Variants in DIPK1B observed in about 807,000 individuals in gnomAD.
DIPK1B encodes divergent protein kinase domain 1B.
A neutral mutation model predicts 20.7 loss-of-function variants in DIPK1B; 17 were observed. That is an observed-to-expected ratio of 0.82 (90% CI 0.56 to 1.23). The LOEUF is 1.23. Among genes scored for constraint, DIPK1B ranks in the 50% most tolerant of loss-of-function variants. DIPK1B has a pLI of 0.00. For missense variants in DIPK1B, 648 were observed against 601.8 expected (o/e 1.08, Z -0.80); for synonymous variants, 343 against 276.5 (o/e 1.24, Z -2.39).
chr9:136,724,312 C>A lies in DIPK1B; in HGVS notation c.*538C>A, dbSNP rs1846668925. ...GTACCCCCCAAACCTGGGCTGTGCA[C>A]AACAGACCAAGAAAAAGGTGTTCCA... On this transcript the variant is annotated 3_prime_UTR_variant, in exon 5 of 5. Transcript: ENST00000371692. Among the ~76,000 whole-genome samples the A allele has an allele frequency of 2.6e-5, 4 of 152,198 alleles. No homozygotes were observed. In the South Asian group the frequency reaches 8.3e-4, roughly 32 times the overall value.
At chr9:136,717,085 T>G (rs958159121) in intron 1 of DIPK1B, among the ~76,000 whole-genome samples, 2 of 151,912 alleles carry the variant, frequency 1.3e-5, no homozygotes, top group African/African-American at 4.8e-5. Context: ...AAAAATTAGC[T>G]GGTCGTGGTG....
Position 136,723,039 on chromosome 9 carries a change from C to G in DIPK1B, c.561C>G (p.Asn187Lys), listed in dbSNP as rs1485810772. Residue 187 changes from asparagine (N) to lysine (K), a missense_variant, in exon 5 of 5, where the codon AAC becomes AAG. Transcript: ENST00000371692. ...TCATGGCTGACTTCAACAAGGACAACCGGGTGTCCCTGGCGGAAGCCAAGT... is the reference window on the plus strand; with the variant it reads ...TCATGGCTGACTTCAACAAGGACAAGCGGGTGTCCCTGGCGGAAGCCAAGT... ...VLLMADFNKD[N>K]RVSLAEAKSV... The G allele has an allele frequency of 4.3e-6, 7 of 1,613,400 alleles. No homozygotes were observed. The highest frequency in any genetic ancestry group is 5.9e-6 in the Non-Finnish European group (7 of 1,180,038).
Position 136,722,953 on chromosome 9 carries a change from A to G in DIPK1B, c.484-9A>G. ...CTGGCTTTTCCTTTCTTTTGGTCCCAAACGCCAGGCGAACCTGGGAGACCT... is the reference window on the plus strand; with the variant it reads ...CTGGCTTTTCCTTTCTTTTGGTCCCGAACGCCAGGCGAACCTGGGAGACCT... On this transcript the variant is annotated splice_polypyrimidine_tract_variant and intron_variant, in intron 4 of 4. Transcript: ENST00000371692. 2 of 1,597,072 alleles carry G rather than the reference A, an allele frequency of 1.3e-6. No individual in the cohort carries two copies. The highest frequency in any genetic ancestry group is 1.7e-6 in the Non-Finnish European group (2 of 1,169,758).
intron 2 of DIPK1B, chr9:136,721,577 T>C (rs1372053929): frequency 3.3e-6 from 1 of 301,698 alleles, no homozygotes; most frequent in Non-Finnish European, 6.4e-6. Flanking sequence ...GGCGGAGAGC[T>C]GCCTCCAGGT....
intron 3 of DIPK1B, 37 bp downstream of exon 3, chr9:136,722,065 A>T: frequency 6.2e-7 from 1 of 1,613,236 alleles, no homozygotes; most frequent in Non-Finnish European, 8.5e-7. Context: ...CCTGGGGCTG[A>T]TACTGCCCGT....
At chr9:136,719,375 G>A (rs1044281459) in intron 2 of DIPK1B, among the ~76,000 whole-genome samples, 1 of 152,198 alleles carries the variant, frequency 6.6e-6, no homozygotes, top group African/African-American at 2.4e-5. Context: ...GCCACCCCAG[G>A]GGCCATGGAG....
intron 1 of DIPK1B, among the ~76,000 whole-genome samples, chr9:136,714,545 C>T (rs956091139): frequency 3.3e-5 from 5 of 152,238 alleles, no homozygotes; most frequent in African/African-American, 1.2e-4. Context: ...CTGGGCCTCC[C>T]TGCATGGCCC....
chr9:136,719,960 GCTGGGGCTCCGGGTGCAGGGGCTGGT>G (rs1380124254), intron 2 of DIPK1B, among the ~76,000 whole-genome samples: 4 of 145,798 alleles, frequency 2.7e-5, no homozygotes, highest in African/African-American at 7.6e-5. Flanking sequence ...GGCTGTGTGG[GCTGGGGCTCCGGGTGCAGGGGCTGGT>G]CTGGGGCTCT....
At chr9:136,717,548 ACCT>A in intron 1 of DIPK1B, 26 bp from the exon 2 acceptor site, 7 of 1,591,726 alleles carry the variant, frequency 4.4e-6, no homozygotes, top group South Asian at 1.1e-5. Context: ...CCCCGAGGGC[ACCT>A]CCTCACGCAG....
At position 136,717,602 on chromosome 9, in the gene DIPK1B, G is replaced by A. The variant is rs1470028444; in HGVS notation, c.89G>A (p.Arg30His). Residue 30 changes from arginine (R) to histidine (H), a missense_variant, in exon 2 of 5, where the codon CGC becomes CAC. Physicochemically the swap from Arg to His is conservative, Grantham distance 29 (BLOSUM62 0). Transcript: ENST00000371692. ...LQGRLPGLRVRCIFLAWLGVF... is the reference protein window; with the variant it reads ...LQGRLPGLRVHCIFLAWLGVF... ...GGCCGGCTCCCAGGCCTCAGGGTCC[G>A]CTGCATCTTCCTGGCCTGGCTGGGC... 1.4e-5 allele frequency: 23 copies of A among 1,601,384 alleles called. No individual in the cohort carries two copies. Among genetic ancestry groups the A allele is most frequent in the Admixed American group, 1.3e-4 (8 of 59,976 alleles).
chr9:136,720,335 TG>T (rs1203508615), intron 2 of DIPK1B, among the ~76,000 whole-genome samples: 1 of 152,124 alleles, frequency 6.6e-6, no homozygotes, highest in Non-Finnish European at 1.5e-5. Flanking sequence ...TCCCCATCCT[TG>T]GTGTGTGGGG....
At chr9:136,715,360 C>T (rs1206310000) in intron 1 of DIPK1B, among the ~76,000 whole-genome samples, 1 of 152,188 alleles carries the variant, frequency 6.6e-6, no homozygotes. Flanking sequence ...AGCTTGGAGG[C>T]CTGCACCCTA....
chr9:136,723,704 A>G lies in DIPK1B; in HGVS notation c.1226A>G (p.His409Arg). The change falls in exon 5 of 5, where the codon CAT becomes CGT. Residue 409 changes from histidine (H) to arginine (R), a missense_variant. By Grantham distance (29) the His-to-Arg change is conservative (BLOSUM62 0). Transcript: ENST00000371692. ...LSGLASQVEAHHSLVLSHLKT... is the reference protein window; with the variant it reads ...LSGLASQVEARHSLVLSHLKT... ...GGGCTGGCCAGCCAGGTGGAGGCCC[A>G]TCACTCGCTGGTGCTCAGCCACCTC... The G allele has an allele frequency of 1.3e-6, 2 of 1,538,370 alleles. No homozygotes were observed. The highest frequency in any genetic ancestry group is 1.4e-5 in the African/African-American group (1 of 73,166).
At chr9:136,719,809 C>G (rs1588283448) in intron 2 of DIPK1B, among the ~76,000 whole-genome samples, 1 of 151,868 alleles carries the variant, frequency 6.6e-6, no homozygotes, top group South Asian at 2.1e-4. Context: ...CCCAGCACCA[C>G]TGTGTGCCAG....
At position 136,723,776 on chromosome 9, in the gene DIPK1B, G is replaced by A. The variant is rs752575006; in HGVS notation, c.*2G>A. ...ATCTCCAACACCAAGTACTCTTGAT[G>A]GGGCAGTGAGGGGCCTGGCCACCCT... On this transcript the variant is annotated 3_prime_UTR_variant, in exon 5 of 5. Coordinates refer to ENST00000371692, the MANE Select transcript of DIPK1B (RefSeq NM_152421.4). 2.4e-5 allele frequency: 37 copies of A among 1,533,096 alleles called. No individual in the cohort carries two copies. In the South Asian group the frequency reaches 3.8e-4, roughly 16 times the overall value. The allele number at this position is 1,533,096 out of a possible 1,614,324, so 95.0% of individuals were successfully genotyped here.
intron 1 of DIPK1B, among the ~76,000 whole-genome samples, chr9:136,714,710 G>A (rs542968747): frequency 2.6e-5 from 4 of 152,234 alleles, no homozygotes; most frequent in Non-Finnish European, 5.9e-5. Flanking sequence ...TGAGGGGGCG[G>A]AGACCAACCT....
chr9:136,720,815 CA>C (rs1846587685), intron 2 of DIPK1B: 1 of 152,334 alleles, frequency 6.6e-6, no homozygotes, highest in Admixed American at 6.5e-5. Context: ...GGCTCCACCC[CA>C]GGGGTACCCT....
At position 136,723,715 on chromosome 9, in the gene DIPK1B, G is replaced by A; in HGVS notation, c.1237G>A (p.Val413Met). The A allele has an allele frequency of 6.5e-7, 1 of 1,537,024 alleles. No individual in the cohort carries two copies. Among genetic ancestry groups the A allele is most frequent in the Non-Finnish European group, 8.7e-7 (1 of 1,146,996 alleles). ...CCAGGTGGAGGCCCATCACTCGCTG[G>A]TGCTCAGCCACCTCAAGACTCTGCT... ...ASQVEAHHSLVLSHLKTLLWK... is the reference protein window; with the variant it reads ...ASQVEAHHSLMLSHLKTLLWK... Residue 413 changes from valine to methionine, a missense_variant, in exon 5 of 5, where the codon GTG (valine) becomes ATG (methionine). Coordinates refer to ENST00000371692, the MANE Select transcript of DIPK1B (RefSeq NM_152421.4).
chr9:136,714,751 C>T (rs141576650), intron 1 of DIPK1B, among the ~76,000 whole-genome samples: 96 of 152,344 alleles, frequency 6.3e-4, no homozygotes, highest in Admixed American at 2.3e-3. Context: ...ACCGGAGCCA[C>T]GCCCTCTGCT....
Sources: allele counts gnomAD v4.1 joint callset (sites outside exome capture counted in the v4.1 genomes callset), GRCh38; gene constraint gnomAD v4.1.1; transcripts MANE v1.5; gene names NCBI Gene and HGNC (gene_info 2026-07-23, HGNC 2026-07-21).